Variants in SLC22A23 observed in about 807,000 individuals in gnomAD.
SLC22A23 encodes the protein solute carrier family 22 member 23.
In SLC22A23, 26 loss-of-function variants were observed where a neutral mutation model predicts 61.0. The ratio of observed to expected loss-of-function variants is 0.43; its 90% confidence interval spans 0.31 to 0.59. The LOEUF is 0.59. Ranked by LOEUF, SLC22A23 falls within the 20% of genes least tolerant of loss-of-function variation. SLC22A23 has a pLI of 0.11. For synonymous variants in SLC22A23, 430 were observed against 413.9 expected (o/e 1.04, Z -0.47); for missense variants, 796 against 934.7 (o/e 0.85, Z 1.94).
chr6:3,440,666 C>T (rs1420809710), intron 1 of SLC22A23, among the ~76,000 whole-genome samples: 3 of 149,436 alleles, frequency 2.0e-5, no homozygotes, highest in African/African-American at 7.5e-5. Flanking sequence ...GAGATCACAC[C>T]ACTGCACTCT....
At position 3,298,289 on chromosome 6, in the gene SLC22A23, G is replaced by C; in HGVS notation, c.1083-71C>G. ...CGGCACCGGGAAGTGTGGCTTAGGT[G>C]TGGCCCGGGAGCTTCCCAGGCAGGT... On this transcript the variant is annotated intron_variant, in intron 4 of 9. Coordinates refer to ENST00000406686, the MANE Select transcript of SLC22A23 (RefSeq NM_015482.2). The C allele has an allele frequency of 2.6e-6, 4 of 1,524,624 alleles. No individual in the cohort carries two copies. In the South Asian group the frequency reaches 5.1e-5, roughly 20 times the overall value. The allele number at this position is 1,524,624 out of a possible 1,614,324, so 94.4% of individuals were successfully genotyped here.
intron 1 of SLC22A23, among the ~76,000 whole-genome samples, chr6:3,429,407 C>A (rs1770712946): frequency 1.3e-5 from 2 of 152,142 alleles, no homozygotes; most frequent in African/African-American, 4.8e-5. Context: ...GTGTAAAATT[C>A]CACTTCCTTG....
intron 2 of SLC22A23, 47 bp downstream of exon 2, chr6:3,415,705 G>A (rs1032396738): frequency 9.3e-5 from 122 of 1,307,358 alleles, no homozygotes; most frequent in African/African-American, 8.5e-4. Context: ...CAGCAAAGGC[G>A]TGCTGTGGCC....
intron 3 of SLC22A23, among the ~76,000 whole-genome samples, chr6:3,401,257 G>A (rs1285295698): frequency 6.6e-6 from 1 of 152,238 alleles, no homozygotes; most frequent in Non-Finnish European, 1.5e-5. Flanking sequence ...AGAATCGCTT[G>A]AACCTGGGAG....
In SLC22A23 at chr6:3,455,908, T is replaced by C; in HGVS notation, c.652A>G (p.Lys218Glu). The change falls in exon 1 of 10, where the codon AAG becomes GAG. Residue 218 changes from lysine (K) to glutamate (E), a missense_variant and splice_region_variant. Lys to Glu is a moderately conservative substitution (Grantham distance 56, BLOSUM62 1). Transcript: ENST00000406686. ...GACTGGGCGGCTGCGGCCCTTACCT[T>C]GCTGACCACGTTCTGGACGAGGCCG... The part of the protein sequence containing the change: ...RAGLVQNVVS[K>E]WDLVCDNAWK... 6.7e-7 allele frequency: 1 copy of C among 1,498,560 alleles called. No homozygotes were observed. The highest frequency in any genetic ancestry group is 9.0e-7 in the Non-Finnish European group (1 of 1,116,482). The allele number at this position is 1,498,560 out of a possible 1,614,324, so 92.8% of individuals were successfully genotyped here.
chr6:3,306,040 A>G (rs571887906), intron 4 of SLC22A23, among the ~76,000 whole-genome samples: 1 of 152,332 alleles, frequency 6.6e-6, no homozygotes, highest in South Asian at 2.1e-4. Context: ...CTATACAGGA[A>G]GCATGGCACC....
At chr6:3,293,222 AAAG>A (rs1760770307) in intron 5 of SLC22A23, among the ~76,000 whole-genome samples, 1 of 152,190 alleles carries the variant, frequency 6.6e-6, no homozygotes, top group African/African-American at 2.4e-5. Context: ...GAAAGCAAGA[AAAG>A]AAAAAGGAGG....
At chr6:3,351,446 G>A (rs1764762858) in intron 3 of SLC22A23, among the ~76,000 whole-genome samples, 1 of 152,256 alleles carries the variant, frequency 6.6e-6, no homozygotes, top group South Asian at 2.1e-4. Context: ...TGGGGTGGGG[G>A]TGGCTGAGCT....
At chr6:3,298,034 G>A (rs1313395407) in intron 5 of SLC22A23, 57 bp downstream of exon 5, 7 of 1,442,310 alleles carry the variant, frequency 4.9e-6, no homozygotes, top group Non-Finnish European at 6.4e-6. Flanking sequence ...CAGCCCAGGT[G>A]TCAGGGACCT....
At chr6:3,325,826 A>C (rs543515588) in intron 3 of SLC22A23, among the ~76,000 whole-genome samples, 11 of 152,386 alleles carry the variant, frequency 7.2e-5, no homozygotes, top group Admixed American at 1.3e-4. Context: ...GTATCAGATA[A>C]GGAAATTCAG....
intron 2 of SLC22A23, among the ~76,000 whole-genome samples, chr6:3,411,434 T>C (rs1264445799): frequency 1.3e-5 from 2 of 152,080 alleles, no homozygotes; most frequent in African/African-American, 2.4e-5. Context: ...AAGACAAATA[T>C]ACAGAAACAG....
chr6:3,354,158 C>A (rs1448336349), intron 3 of SLC22A23, among the ~76,000 whole-genome samples: 7 of 152,220 alleles, frequency 4.6e-5, no homozygotes, highest in African/African-American at 1.7e-4. Context: ...GAGCCACATG[C>A]AACTTCTAAG....
intron 1 of SLC22A23, among the ~76,000 whole-genome samples, chr6:3,426,348 G>T (rs1770489085): frequency 6.6e-6 from 1 of 152,126 alleles, no homozygotes; most frequent in African/African-American, 2.4e-5. Flanking sequence ...TTTCAGACAG[G>T]GTGACCTGAT....
At chr6:3,382,876 T>A (rs181140919) in intron 3 of SLC22A23, among the ~76,000 whole-genome samples, 37 of 152,248 alleles carry the variant, frequency 2.4e-4, no homozygotes, top group Admixed American at 2.0e-3. Flanking sequence ...TTGCTGCTGA[T>A]TACTGATGGA....
chr6:3,385,538 G>A lies in SLC22A23; in HGVS notation c.913+24650C>T, dbSNP rs527933729. Among the ~76,000 whole-genome samples, 109 of 152,250 alleles carry A rather than the reference G, an allele frequency of 7.2e-4. 1 individual carries two copies. The highest frequency in any genetic ancestry group is 2.6e-3 in the African/African-American group (106 of 41,546). On this transcript the variant is annotated intron_variant, in intron 3 of 9. Coordinates refer to ENST00000406686, the MANE Select transcript of SLC22A23 (RefSeq NM_015482.2). ...CTCAAAAAACAAAAAAAAAGGTTAA[G>A]ATGGTAAATTTTATGGTATGTGTAT...
At chr6:3,283,577 G>A (rs1031342225) in intron 9 of SLC22A23, 15 of 414,510 alleles carry the variant, frequency 3.6e-5, no homozygotes, top group Middle Eastern at 1.4e-3. Context: ...CTTGCCAGAC[G>A]CTCAGACACT....
At chr6:3,455,829 G>T in intron 1 of SLC22A23, 77 bp downstream of exon 1, 1 of 1,435,776 alleles carries the variant, frequency 7.0e-7, no homozygotes, top group South Asian at 1.5e-5. Flanking sequence ...TGGGGACTTC[G>T]GTTCTCCCGC....
intron 3 of SLC22A23, among the ~76,000 whole-genome samples, chr6:3,331,670 G>A (rs1157218114): frequency 6.6e-6 from 1 of 152,150 alleles, no homozygotes; most frequent in African/African-American, 2.4e-5. Flanking sequence ...TGAGGAACAG[G>A]GATTTGAATG....
At chr6:3,280,945 C>G (rs554798472) in intron 9 of SLC22A23, among the ~76,000 whole-genome samples, 398 of 152,248 alleles carry the variant, frequency 2.6e-3, no homozygotes, top group Middle Eastern at 0.014. Context: ...CTCAGGGAGG[C>G]CTGTCCGACT....
Sources: gnomAD v4.1 joint callset for allele counts (sites outside exome capture counted in the v4.1 genomes callset) on GRCh38, gnomAD v4.1.1 for gene constraint, MANE v1.5 for transcripts, NCBI Gene and HGNC (gene_info 2026-07-23, HGNC 2026-07-21) for gene names.